DNAH14: variants seen among roughly 807,000 people sequenced by gnomAD.
The protein encoded by DNAH14 is dynein axonemal heavy chain 14.
Under a neutral mutation model 520.9 loss-of-function variants are expected in DNAH14, and 478 were observed. The ratio of observed to expected loss-of-function variants is 0.92; its 90% CI spans 0.85 to 0.99. The LOEUF is 0.99. Ranked by LOEUF, DNAH14 falls within the 50% of genes least tolerant of loss-of-function variation. The pLI is 0.00. For synonymous variants in DNAH14, 1,581 were observed against 1,757.2 expected, an observed-to-expected ratio of 0.90 and a Z score of 2.51; for missense variants, 4,831 against 5,234.5, an observed-to-expected ratio of 0.92 and a Z score of 2.38.
At chr1:225,134,335 C>G (rs1298848453) in intron 27 of DNAH14, among the ~76,000 whole-genome samples, 1 of 152,092 alleles carries the variant, frequency 6.6e-6, no homozygotes, top group Non-Finnish European at 1.5e-5. Flanking sequence ...CAGCTTTTTC[C>G]CATTTAGTAT....
chr1:224,984,999 A>G (rs1198022410), intron 8 of DNAH14, among the ~76,000 whole-genome samples: 6 of 152,216 alleles, frequency 3.9e-5, no homozygotes, highest in African/African-American at 1.4e-4. Flanking sequence ...ATCAGGGAAC[A>G]CTTCGACACT....
rs12565381 is a variant in DNAH14 at position 225,346,492 on chromosome 1, T to C, written c.11134T>C (p.Cys3712Arg). The C allele has an allele frequency of 2.1e-4, 318 of 1,550,954 alleles. 2 individuals carry two copies. The East Asian group carries it at 7.2e-3, about 35-fold the overall frequency. The part of the protein sequence containing the change: ...SSALFNEDKL[C>R]FSFRLCTVIM... ...AGCTCTATTTAATGAAGATAAACTT[T>C]GCTTCTCTTTTCGGCTTTGCACTGT... Residue 3712 changes from cysteine (C) to arginine (R), a missense_variant, in exon 71 of 86, where the codon TGC (cysteine) becomes CGC (arginine). Coordinates refer to ENST00000682510, the MANE Select transcript of DNAH14 (RefSeq NM_001367479.1).
intron 21 of DNAH14, among the ~76,000 whole-genome samples, chr1:225,086,462 A>G (rs2073812934): frequency 6.6e-6 from 1 of 151,982 alleles, no homozygotes. Context: ...ATGTCAAGAA[A>G]CTCAACATGA....
At chr1:225,071,110 C>G (rs576928773) in intron 17 of DNAH14, among the ~76,000 whole-genome samples, 1 of 152,132 alleles carries the variant, frequency 6.6e-6, no homozygotes, top group African/African-American at 2.4e-5. Context: ...GACAGCATAC[C>G]AATGGGTCTT....
intron 54 of DNAH14, among the ~76,000 whole-genome samples, chr1:225,283,482 C>A (rs114057768): frequency 0.034 from 5,052 of 150,562 alleles, 84 homozygotes; most frequent in Non-Finnish European, 0.037. Flanking sequence ...AAAGATCATA[C>A]ATAAGAGTTA....
chr1:224,930,626 C>A (rs1009073441), intron 1 of DNAH14, among the ~76,000 whole-genome samples: 3 of 152,088 alleles, frequency 2.0e-5, no homozygotes, highest in Non-Finnish European at 4.4e-5. Context: ...GAGACGGAGC[C>A]TCGCTCTGTC....
At chr1:225,087,315 C>A (rs1377708414) in intron 21 of DNAH14, among the ~76,000 whole-genome samples, 2 of 152,304 alleles carry the variant, frequency 1.3e-5, no homozygotes, top group East Asian at 3.9e-4. Flanking sequence ...AACTAATCCA[C>A]CCCTGTGATC....
chr1:224,982,741 A>G (rs2062362203), intron 8 of DNAH14, among the ~76,000 whole-genome samples: 1 of 152,084 alleles, frequency 6.6e-6, no homozygotes, highest in Admixed American at 6.5e-5. Flanking sequence ...ATTTCCATGT[A>G]TTTGCATGAT....
In DNAH14 at chr1:225,049,047, A is replaced by ATTT. The variant is rs71170051; in HGVS notation, c.1913-1135_1913-1133dup. ...AAATGTCTTTTTAGATCTCTTGCCT[A>ATTT]TTTTTTTTTTTTTTTTTTTTTTTTT... On this transcript the variant is annotated intron_variant, in intron 15 of 85. Coordinates refer to ENST00000682510, the MANE Select transcript of DNAH14 (RefSeq NM_001367479.1). 1.5e-3 allele frequency among the ~76,000 whole-genome samples: 82 copies of ATTT among 56,298 alleles called. 21 individuals are homozygous for ATTT. The highest frequency in any genetic ancestry group is 6.5e-3 in the African/African-American group (78 of 12,082). 36.9% of individuals were successfully genotyped at this position (56,298 alleles called of 152,430 possible). A position where few individuals can be genotyped will look rare whatever the true frequency, so the allele number is the denominator to read the frequency against.
At chr1:224,964,919 G>C (rs2061067696) in intron 5 of DNAH14, among the ~76,000 whole-genome samples, 1 of 152,090 alleles carries the variant, frequency 6.6e-6, no homozygotes, top group African/African-American at 2.4e-5. Context: ...TGAATCTACT[G>C]TTTGGTTTCT....
At chr1:225,170,002 T>C (rs2082437949) in intron 36 of DNAH14, among the ~76,000 whole-genome samples, 2 of 152,198 alleles carry the variant, frequency 1.3e-5, no homozygotes, top group Admixed American at 1.3e-4. Flanking sequence ...ACCCAGAATT[T>C]CATATCCAGC....
At position 225,177,373 on chromosome 1, in the gene DNAH14, A is replaced by G. The variant is rs149535736; in HGVS notation, c.5536-7918A>G. On this transcript the variant is annotated intron_variant, in intron 36 of 85. Transcript: ENST00000682510. Reference sequence around the variant, plus strand: ...AGTTTGGAAAATTTGCAGCCTGACAATGCGATAGAAAAGAAAATCTCATTT... The same window carrying G: ...AGTTTGGAAAATTTGCAGCCTGACAGTGCGATAGAAAAGAAAATCTCATTT... Among the ~76,000 whole-genome samples the G allele has an allele frequency of 5.0e-3, 760 of 152,290 alleles. 6 individuals are homozygous for G. Among genetic ancestry groups the G allele is most frequent in the African/African-American group, 0.017 (717 of 41,562 alleles).
chr1:225,094,890 C>T (rs866172059), intron 21 of DNAH14, among the ~76,000 whole-genome samples: 1 of 147,604 alleles, frequency 6.8e-6, no homozygotes, highest in Non-Finnish European at 1.5e-5. Context: ...CAAAAGAAGA[C>T]ATACACATGG....
At chr1:225,046,835 A>G (rs2068006006) in intron 15 of DNAH14, among the ~76,000 whole-genome samples, 1 of 151,996 alleles carries the variant, frequency 6.6e-6, no homozygotes, top group South Asian at 2.1e-4. Context: ...TTGTTGCTCA[A>G]GTTGTTCTGG....
chr1:224,939,314 T>C (rs1299759795), intron 1 of DNAH14, among the ~76,000 whole-genome samples: 1 of 152,194 alleles, frequency 6.6e-6, no homozygotes, highest in Non-Finnish European at 1.5e-5. Flanking sequence ...TGCACTGGAT[T>C]GTACTCTAAT....
At chr1:224,934,443 C>A (rs1436085643) in intron 1 of DNAH14, among the ~76,000 whole-genome samples, 1 of 151,530 alleles carries the variant, frequency 6.6e-6, no homozygotes, top group Non-Finnish European at 1.5e-5. Flanking sequence ...AAAAAAGAAT[C>A]TCAGAACTTA....
chr1:225,150,900 G>T (rs1347925133), intron 31 of DNAH14, among the ~76,000 whole-genome samples: 1 of 151,942 alleles, frequency 6.6e-6, no homozygotes, highest in East Asian at 1.9e-4. Flanking sequence ...TAGTAGAGGT[G>T]GGGTTTTACC....
chr1:224,993,019 T>C lies in DNAH14; in HGVS notation c.831-9764T>C, dbSNP rs114989627. On this transcript the variant is annotated intron_variant, in intron 8 of 85. Coordinates refer to ENST00000682510, the MANE Select transcript of DNAH14 (RefSeq NM_001367479.1). ...GATGTATCACATTTATTGATTTGTG[T>C]ATGTTGAACCATTCTTGCATCCCAG... Among the ~76,000 whole-genome samples, 766 of 152,260 alleles carry C rather than the reference T, an allele frequency of 5.0e-3. 6 individuals carry two copies. Among genetic ancestry groups the C allele is most frequent in the African/African-American group, 0.017 (723 of 41,570 alleles).
chr1:225,273,373 G>GTGAGCCGA (rs2093367493), intron 52 of DNAH14, among the ~76,000 whole-genome samples: 1 of 152,224 alleles, frequency 6.6e-6, no homozygotes, highest in South Asian at 2.1e-4. Context: ...GGAGCTTGCA[G>GTGAGCCGA]TGAGCCGATG....
Sources: allele counts gnomAD v4.1 joint callset (sites outside exome capture counted in the v4.1 genomes callset), GRCh38; gene constraint gnomAD v4.1.1; transcripts MANE v1.5; gene names NCBI Gene and HGNC (gene_info 2026-07-23, HGNC 2026-07-21).